Variants in FANCC observed in about 807,000 individuals in gnomAD.
FANCC encodes the protein FA complementation group C, also known as Fanconi anemia group C protein.
Under a neutral mutation model 71.3 loss-of-function variants are expected in FANCC, and 55 were observed. That is an observed-to-expected ratio of 0.77 (90% confidence interval 0.62 to 0.97). The LOEUF (loss-of-function observed/expected upper bound fraction) is 0.97. Among genes scored for constraint, FANCC ranks in the 50% least tolerant of loss-of-function variants. The pLI is 0.00. For synonymous variants in FANCC, 275 were observed against 244.9 expected (o/e 1.12, Z -1.15); for missense variants, 678 against 670.9 (o/e 1.01, Z -0.12).
At chr9:95,295,579 T>C (rs899534055) in intron 1 of FANCC, among the ~76,000 whole-genome samples, 2 of 152,090 alleles carry the variant, frequency 1.3e-5, no homozygotes, top group African/African-American at 2.4e-5. Flanking sequence ...GAGACCAGCC[T>C]AGGCAACAGA....
chr9:95,311,511 A>C (rs576854327), intron 1 of FANCC, among the ~76,000 whole-genome samples: 1 of 152,210 alleles, frequency 6.6e-6, no homozygotes, highest in Admixed American at 6.5e-5. Flanking sequence ...GAACTGAACC[A>C]GGTAAAGAAG....
chr9:95,239,722 C>CT (rs1199146308), intron 4 of FANCC, among the ~76,000 whole-genome samples: 3 of 152,158 alleles, frequency 2.0e-5, no homozygotes, highest in Non-Finnish European at 4.4e-5. Flanking sequence ...TCACTCCCTT[C>CT]TATCTTTCAA....
At chr9:95,142,997 C>T (rs998663490) in intron 7 of FANCC, among the ~76,000 whole-genome samples, 1 of 152,174 alleles carries the variant, frequency 6.6e-6, no homozygotes, top group Admixed American at 6.5e-5. Flanking sequence ...CAAGACTGCC[C>T]CCACTTCAGA....
chr9:95,184,983 A>G (rs943369660), intron 4 of FANCC, among the ~76,000 whole-genome samples: 4 of 152,244 alleles, frequency 2.6e-5, no homozygotes, highest in South Asian at 2.1e-4. Context: ...TCTCAGGAAC[A>G]AAATATTCTT....
chr9:95,125,328 T>C, intron 9 of FANCC, 143 bp from the exon 10 acceptor site: 1 of 716,926 alleles, frequency 1.4e-6, no homozygotes, highest in South Asian at 1.5e-5. Flanking sequence ...ATTTCAGTCC[T>C]TGTGTGAAAA....
intron 1 of FANCC, among the ~76,000 whole-genome samples, chr9:95,273,698 C>T (rs1832867253): frequency 1.3e-5 from 2 of 152,164 alleles, no homozygotes; most frequent in Non-Finnish European, 2.9e-5. Context: ...CAAGAACTAA[C>T]CATTATCTAA....
intron 4 of FANCC, among the ~76,000 whole-genome samples, chr9:95,216,565 G>C (rs1014293489): frequency 1.3e-5 from 2 of 152,174 alleles, no homozygotes; most frequent in African/African-American, 2.4e-5. Context: ...CTTTGGAAAA[G>C]AGACAGGGTC....
At chr9:95,275,786 A>G (rs1427940993) in intron 1 of FANCC, among the ~76,000 whole-genome samples, 1 of 152,190 alleles carries the variant, frequency 6.6e-6, no homozygotes, top group Non-Finnish European at 1.5e-5. Context: ...CAGGAGGCTA[A>G]GGCAGAAGGA....
At chr9:95,122,479 A>G (rs1352810250) in intron 10 of FANCC, among the ~76,000 whole-genome samples, 2 of 152,160 alleles carry the variant, frequency 1.3e-5, no homozygotes, top group Admixed American at 1.3e-4. Flanking sequence ...TGGCAAAGCA[A>G]AGAGACTTTC....
At chr9:95,173,514 A>G (rs1235445580) in intron 4 of FANCC, among the ~76,000 whole-genome samples, 1 of 152,260 alleles carries the variant, frequency 6.6e-6, no homozygotes, top group Non-Finnish European at 1.5e-5. Context: ...GACAGGAACT[A>G]TGCTCGAAGA....
chr9:95,123,475 A>C (rs1282439375), intron 10 of FANCC: 2 of 462,940 alleles, frequency 4.3e-6, no homozygotes, highest in Non-Finnish European at 8.6e-6. Context: ...CCCCATCTCT[A>C]ATAAAAATAC....
chr9:95,195,277 T>G (rs961100792), intron 4 of FANCC, among the ~76,000 whole-genome samples: 9 of 151,038 alleles, frequency 6.0e-5, no homozygotes, highest in Non-Finnish European at 1.2e-4. Context: ...TTTTATAGTT[T>G]TACATTTTAC....
chr9:95,130,314 G>GAC (rs1474052123), intron 8 of FANCC, among the ~76,000 whole-genome samples: 6 of 152,100 alleles, frequency 3.9e-5, no homozygotes, highest in South Asian at 2.1e-4. Flanking sequence ...GAGAGAGAGA[G>GAC]AGAGAGAGAA....
intron 13 of FANCC, among the ~76,000 whole-genome samples, chr9:95,109,910 C>G (rs1047793516): frequency 6.6e-6 from 1 of 152,178 alleles, no homozygotes. Context: ...ACAAGAGGTA[C>G]GTATCATTCA....
At chr9:95,294,343 G>C in intron 1 of FANCC, 1 of 1,587,410 alleles carries the variant, frequency 6.3e-7, no homozygotes, top group South Asian at 1.1e-5. Context: ...GGAGTCACTG[G>C]ACACAGAGAC....
chr9:95,219,071 G>A (rs986176702), intron 4 of FANCC, among the ~76,000 whole-genome samples: 3 of 152,120 alleles, frequency 2.0e-5, no homozygotes, highest in African/African-American at 7.2e-5. Flanking sequence ...GCTGCCCAAG[G>A]GACTGGTTCT....
intron 6 of FANCC, among the ~76,000 whole-genome samples, chr9:95,158,290 GTC>G (rs1190389724): frequency 1.1e-4 from 16 of 152,028 alleles, no homozygotes; most frequent in Admixed American, 1.0e-3. Flanking sequence ...TGCTAAATGT[GTC>G]TTTTTGTTAA....
At chr9:95,149,826 C>T (rs1295278333) in intron 7 of FANCC, 97 bp downstream of exon 7, 12 of 1,382,564 alleles carry the variant, frequency 8.7e-6, no homozygotes, top group African/African-American at 1.4e-5. Context: ...GAGACAAAAA[C>T]GTTTGGACAC....
intron 11 of FANCC, among the ~76,000 whole-genome samples, chr9:95,115,277 T>C (rs565320640): frequency 7.2e-5 from 11 of 152,166 alleles, no homozygotes; most frequent in Non-Finnish European, 1.5e-4. Context: ...TGGAAGTAGC[T>C]AGAGATTGCA....
Sources: allele counts gnomAD v4.1 joint callset (sites outside exome capture counted in the v4.1 genomes callset), GRCh38; gene constraint gnomAD v4.1.1; transcripts MANE v1.5; gene names NCBI Gene and HGNC (gene_info 2026-07-23, HGNC 2026-07-21).